The following ZGRF1 variants were observed in gnomAD, a reference collection of about 807,000 sequenced individuals.
The protein encoded by ZGRF1 is 5'-3' DNA helicase ZGRF1.
ZGRF1 carries 196 observed loss-of-function variants against 203.5 expected under a neutral mutation model. The ratio of observed to expected loss-of-function variants is 0.96; its 90% CI spans 0.86 to 1.08. The LOEUF (loss-of-function observed/expected upper bound fraction) is 1.08. Among genes scored for constraint, ZGRF1 ranks in the 50% least tolerant of loss-of-function variants. The pLI, the probability that ZGRF1 is intolerant of heterozygous loss-of-function variation, is 0.00. For synonymous variants in ZGRF1, 809 were observed against 841.3 expected (o/e 0.96, Z 0.66); for missense variants, 2,326 against 2,416.3 (o/e 0.96, Z 0.78).
rs372919897 is a variant in ZGRF1 at position 112,555,868 on chromosome 4, CTTTTA to C, written c.5121-1091_5121-1087del. Among the ~76,000 whole-genome samples the C allele has an allele frequency of 6.0e-4, 92 of 152,312 alleles. 2 individuals are homozygous for C. The East Asian group carries it at 0.017, about 28-fold the overall frequency. ...CAGAGATTTAAGCATTAAAGAATCT[CTTTTA>C]TAAGTTTCCTGTTAACTTTTAGTAT... is the stretch of plus-strand genomic sequence containing the variant. On this transcript the variant is annotated intron_variant, in intron 20 of 27. Transcript: ENST00000505019.
chr4:112,573,795 T>C (rs1744653057), intron 16 of ZGRF1, among the ~76,000 whole-genome samples: 1 of 152,126 alleles, frequency 6.6e-6, no homozygotes, highest in Admixed American at 6.5e-5. Flanking sequence ...ATTTATAATA[T>C]ACATAATCAA....
chr4:112,562,842 A>G (rs1742263906), intron 17 of ZGRF1, among the ~76,000 whole-genome samples: 1 of 152,238 alleles, frequency 6.6e-6, no homozygotes, highest in African/African-American at 2.4e-5. Flanking sequence ...GTATTTGTAT[A>G]ATTTTTAAAC....
At chr4:112,625,168 A>G (rs962336475) in intron 3 of ZGRF1, among the ~76,000 whole-genome samples, 1 of 152,234 alleles carries the variant, frequency 6.6e-6, no homozygotes, top group Non-Finnish European at 1.5e-5. Flanking sequence ...AAGCCTAAGT[A>G]GTCCCAACTA....
intron 10 of ZGRF1, among the ~76,000 whole-genome samples, chr4:112,599,390 A>C (rs901297499): frequency 6.6e-6 from 1 of 152,136 alleles, no homozygotes; most frequent in Admixed American, 6.5e-5. Flanking sequence ...AAATGTAAAA[A>C]AATGAGAAGA....
intron 16 of ZGRF1, among the ~76,000 whole-genome samples, chr4:112,573,200 A>ACACACC (rs534017977): frequency 3.2e-4 from 48 of 148,830 alleles, no homozygotes; most frequent in Middle Eastern, 3.5e-3. Context: ...ACACACACAC[A>ACACACC]CCCATGGAAT....
At position 112,618,680 on chromosome 4, in the gene ZGRF1, G is replaced by C. The variant is rs1466649174; in HGVS notation, c.1362C>G (p.Leu454=). The C allele has an allele frequency of 6.2e-7, 1 of 1,612,638 alleles. No homozygotes were observed. Among genetic ancestry groups the C allele is most frequent in the South Asian group, 1.1e-5 (1 of 90,970 alleles). The part of the protein sequence containing the change: ...NDKGCIKGSV[L]IKENAQEVNT... ...TTACCTCCTGAGCATTTTCTTTAAT[G>C]AGAACTGATCCTTTAATGCACCCCT... Residue 454 remains leucine (L), a synonymous_variant, in exon 6 of 28, where the codon CTC becomes CTG. Coordinates refer to ENST00000505019, the MANE Select transcript of ZGRF1 (RefSeq NM_018392.5).
intron 16 of ZGRF1, among the ~76,000 whole-genome samples, chr4:112,574,774 G>A (rs1024630460): frequency 2.0e-5 from 3 of 152,136 alleles, no homozygotes; most frequent in African/African-American, 4.8e-5. Context: ...GCTCATGTCT[G>A]TAATCCCATG....
chr4:112,558,876 G>A (rs1205257829), intron 19 of ZGRF1, among the ~76,000 whole-genome samples: 1 of 152,208 alleles, frequency 6.6e-6, no homozygotes, highest in African/African-American at 2.4e-5. Flanking sequence ...TATTATCTTG[G>A]ATCAGAGAAG....
rs115600032 is a variant in ZGRF1, at chr4:112,611,972, T to G, written c.2667+552A>C. On this transcript the variant is annotated intron_variant, in intron 7 of 27. Coordinates refer to ENST00000505019, the MANE Select transcript of ZGRF1 (RefSeq NM_018392.5). Reference sequence around the variant, plus strand: ...TCCATTAGTAACTGTGGGGTTTTGTTTTTTTTTTTTGAGATGGAGTCTCAC... The same window carrying G: ...TCCATTAGTAACTGTGGGGTTTTGTGTTTTTTTTTTGAGATGGAGTCTCAC... Among the ~76,000 whole-genome samples the G allele has an allele frequency of 7.2e-3, 1,077 of 150,342 alleles. 33 individuals carry two copies. In the East Asian group the frequency reaches 0.094, roughly 13 times the overall value.
Position 112,576,144 on chromosome 4 carries a change from C to T in ZGRF1, c.4438+5519G>A, listed in dbSNP as rs142731082. On this transcript the variant is annotated intron_variant, in intron 16 of 27. Transcript: ENST00000505019. ...CCAATATCCGCTGTTCTGCAGCCTCCGCTGCTGATACCCAGGCAAACAGGG... is the reference window on the plus strand; with the variant it reads ...CCAATATCCGCTGTTCTGCAGCCTCTGCTGCTGATACCCAGGCAAACAGGG... Among the ~76,000 whole-genome samples, 598 of 152,324 alleles carry T rather than the reference C, an allele frequency of 3.9e-3. 3 individuals carry two copies. Among genetic ancestry groups the T allele is most frequent in the Non-Finnish European group, 6.5e-3 (445 of 68,030 alleles).
At chr4:112,627,261 G>C (rs2047268558) in intron 3 of ZGRF1, among the ~76,000 whole-genome samples, 1 of 152,096 alleles carries the variant, frequency 6.6e-6, no homozygotes, top group Admixed American at 6.5e-5. Flanking sequence ...CAAGATCTAA[G>C]AGGCTATGCT....
At chr4:112,588,763 T>C (rs1233816460) in intron 11 of ZGRF1, among the ~76,000 whole-genome samples, 2 of 152,186 alleles carry the variant, frequency 1.3e-5, no homozygotes, top group Non-Finnish European at 2.9e-5. Flanking sequence ...GTTGGAAATA[T>C]ACTCTGGAGA....
chr4:112,619,478 A>C lies in ZGRF1; in HGVS notation c.564T>G (p.Asn188Lys). ...AAAAAACCGAAGAAAAATCCATGGCATTTCTCTCCCTGTTCTTGTAAGTCA... is the reference window on the plus strand; with the variant it reads ...AAAAAACCGAAGAAAAATCCATGGCCTTTCTCTCCCTGTTCTTGTAAGTCA... ...NIVTYKNRERNAMDFSSVFSP... is the reference protein window; with the variant it reads ...NIVTYKNRERKAMDFSSVFSP... The change falls in exon 6 of 28, where the codon AAT becomes AAG. Residue 188 changes from asparagine to lysine, a missense_variant. Asn to Lys is a moderately conservative substitution (Grantham distance 94, BLOSUM62 0). Transcript: ENST00000505019. 6.2e-7 allele frequency: 1 copy of C among 1,612,170 alleles called. No homozygotes were observed. Among genetic ancestry groups the C allele is most frequent in the South Asian group, 1.1e-5 (1 of 90,800 alleles).
At chr4:112,549,174 C>T (rs1269119596) in intron 22 of ZGRF1, among the ~76,000 whole-genome samples, 1 of 151,918 alleles carries the variant, frequency 6.6e-6, no homozygotes, top group Non-Finnish European at 1.5e-5. Context: ...AAAATGTACT[C>T]ATAGCCTGTA....
intron 11 of ZGRF1, 35 bp from the exon 12 acceptor site, chr4:112,587,964 G>A (rs1747510523): frequency 1.4e-6 from 2 of 1,452,450 alleles, no homozygotes; most frequent in South Asian, 1.5e-5. Flanking sequence ...AAATAAAAAT[G>A]TTCTACTAGT....
Position 112,548,846 on chromosome 4 carries a change from G to A in ZGRF1, c.5347-466C>T, listed in dbSNP as rs568418418. ...AAATGTAAAGATGGCCGGGCGCGGT[G>A]GCTCACGCCTGTAATCCCAGCACTT... On this transcript the variant is annotated intron_variant, in intron 22 of 27. Transcript: ENST00000505019. 2.4e-4 allele frequency among the ~76,000 whole-genome samples: 6 copies of A among 25,146 alleles called. 1 individual carries two copies. In the Admixed American group the frequency reaches 2.6e-3, roughly 11 times the overall value. The allele number at this position is 25,146 out of a possible 152,430, so 16.5% of individuals were successfully genotyped here.
chr4:112,551,729 A>G (rs1369062021), intron 22 of ZGRF1, among the ~76,000 whole-genome samples: 8 of 152,230 alleles, frequency 5.3e-5, no homozygotes, highest in Admixed American at 4.6e-4. Context: ...TCTGGCAACT[A>G]TATCTACAAA....
intron 6 of ZGRF1, among the ~76,000 whole-genome samples, chr4:112,616,218 G>A (rs1385553659): frequency 6.6e-6 from 1 of 151,964 alleles, no homozygotes; most frequent in Non-Finnish European, 1.5e-5. Context: ...TATTGTGAGA[G>A]TACAGAAACA....
chr4:112,620,263 C>T, intron 4 of ZGRF1, 73 bp from the exon 5 acceptor site: 1 of 1,134,082 alleles, frequency 8.8e-7, no homozygotes, highest in South Asian at 1.6e-5. Context: ...TGCTCACTAG[C>T]ACTAAGACAC....
Sources: gnomAD v4.1 joint callset for allele counts (sites outside exome capture counted in the v4.1 genomes callset) on GRCh38, gnomAD v4.1.1 for gene constraint, MANE v1.5 for transcripts, NCBI Gene and HGNC (gene_info 2026-07-23, HGNC 2026-07-21) for gene names.